The following DNAH3 variants were observed in gnomAD, a reference collection of about 807,000 sequenced individuals.
DNAH3 encodes axonemal beta dynein heavy chain 3.
A neutral mutation model predicts 432.5 loss-of-function variants in DNAH3; 332 were observed. That is an observed-to-expected ratio of 0.77 (90% CI 0.70 to 0.84). The LOEUF (loss-of-function observed/expected upper bound fraction) is 0.84. Among genes scored for constraint, DNAH3 ranks in the 40% least tolerant of loss-of-function variants. The probability of loss-of-function intolerance (pLI) is 0.00; values close to 1 mark genes in which losing one functional copy is unlikely to be tolerated. For missense variants in DNAH3, 4,861 were observed against 5,114.0 expected, an observed-to-expected ratio of 0.95 and a Z score of 1.51; for synonymous variants, 1,956 against 1,900.2, an observed-to-expected ratio of 1.03 and a Z score of -0.76.
chr16:21,032,446 A>T (rs2088933086), intron 36 of DNAH3, among the ~76,000 whole-genome samples: 1 of 152,192 alleles, frequency 6.6e-6, no homozygotes, highest in Admixed American at 6.6e-5. Context: ...ATAACAAAAA[A>T]AAATCACAAT....
exon 53 of DNAH3, chr16:20,963,453 T>G: frequency 6.2e-7 from 1 of 1,614,056 alleles, no homozygotes; most frequent in Non-Finnish European, 8.5e-7. Flanking sequence ...GCCGCAAACA[T>G]CGAAGGATCA....
intron 32 of DNAH3, 128 bp from the exon 33 acceptor site, chr16:21,040,071 G>A (rs1399212672): frequency 3.6e-5 from 28 of 767,724 alleles, no homozygotes; most frequent in South Asian, 1.9e-4. Context: ...AAGGCAAGAA[G>A]GACTGGGGGA....
chr16:20,934,656 T>C (rs1405662163), intron 61 of DNAH3, among the ~76,000 whole-genome samples: 4 of 152,224 alleles, frequency 2.6e-5, no homozygotes, highest in Admixed American at 6.5e-5. Context: ...AGTTGAACCA[T>C]TGCAAGTAAA....
At chr16:21,146,171 C>T (rs2092780581) in intron 1 of DNAH3, 83 bp from the exon 3 acceptor site, 9 of 885,282 alleles carry the variant, frequency 1.0e-5, no homozygotes. Context: ...TAAAGAGGTC[C>T]CCAGGAAAAG....
chr16:20,959,238 A>C (rs957007739), exon 54 of DNAH3: 1 of 1,614,074 alleles, frequency 6.2e-7, no homozygotes, highest in African/African-American at 1.3e-5. Flanking sequence ...TCTCCAGGGT[A>C]GGCATCCAGC....
At position 21,064,860 on chromosome 16, in the gene DNAH3, GGTGTGTGT is replaced by G. The variant is rs369066790; in HGVS notation, c.3519-2185_3519-2178del. ...ATAAAAATGCATAAATATTGAGGTA[GGTGTGTGT>G]GTGTGTGTGTGTGTGTGTGTGTGTG... is the stretch of plus-strand genomic sequence containing the variant. On this transcript the variant is annotated intron_variant, in intron 24 of 61. Coordinates refer to ENST00000261383, the Ensembl canonical transcript of DNAH3. 9.5e-3 allele frequency among the ~76,000 whole-genome samples: 1,248 copies of G among 131,766 alleles called. 15 individuals carry two copies. Among genetic ancestry groups the G allele is most frequent in the African/African-American group, 0.028 (1,024 of 37,056 alleles). 86.4% of individuals were successfully genotyped at this position (131,766 alleles called of 152,430 possible).
At chr16:21,036,609 C>A (rs1208800410) in intron 35 of DNAH3, 105 bp downstream of exon 35, 2 of 1,074,432 alleles carry the variant, frequency 1.9e-6, no homozygotes, top group Non-Finnish European at 2.7e-6. Flanking sequence ...TACACAGGCA[C>A]CTCTGATTGC....
In DNAH3 at chr16:21,131,587, T is replaced by G. The variant is rs555642462; in HGVS notation, c.1082+2672A>C. Among the ~76,000 whole-genome samples, 9 of 152,052 alleles carry G rather than the reference T, an allele frequency of 5.9e-5. No individual in the cohort carries two copies. In the South Asian group the frequency reaches 8.3e-4, roughly 14 times the overall value. On this transcript the variant is annotated intron_variant, in intron 7 of 61. Transcript: ENST00000261383. ...AAGAAAGGCCGGACGTGGTGGCTCTTGCCTGTAATCCCAGCACTTTGGGAG... is the reference window on the plus strand; with the variant it reads ...AAGAAAGGCCGGACGTGGTGGCTCTGGCCTGTAATCCCAGCACTTTGGGAG...
At chr16:20,937,755 A>C (rs2083649954) in intron 59 of DNAH3, among the ~76,000 whole-genome samples, 1 of 151,438 alleles carries the variant, frequency 6.6e-6, no homozygotes, top group African/African-American at 2.4e-5. Context: ...CAAACTCCTA[A>C]ACTCAAGTAA....
intron 32 of DNAH3, among the ~76,000 whole-genome samples, chr16:21,040,327 T>A (rs369429936): frequency 2.1e-5 from 3 of 144,066 alleles, no homozygotes; most frequent in African/African-American, 7.8e-5. Context: ...GCAGAACCAA[T>A]ATGCATCAGA....
chr16:21,108,144 T>C (rs568830536), intron 14 of DNAH3, among the ~76,000 whole-genome samples: 1 of 152,188 alleles, frequency 6.6e-6, no homozygotes, highest in Non-Finnish European at 1.5e-5. Context: ...AGTGCTGGGA[T>C]TACAGGCGTA....
In DNAH3 at chr16:20,943,560, C is replaced by T. The variant is rs1392899270; in HGVS notation, c.11511+936G>A. ...TCTGACCATCTTTCTCTTTTCATTC[C>T]TCTCAAAAAGACAGTTTCGGGTCAG... is the stretch of plus-strand genomic sequence containing the variant. On this transcript the variant is annotated intron_variant, in intron 58 of 61. Transcript: ENST00000261383. Among the ~76,000 whole-genome samples, 3 of 152,086 alleles carry T rather than the reference C, an allele frequency of 2.0e-5. No homozygotes were observed. The East Asian group carries it at 5.8e-4, about 29-fold the overall frequency.
chr16:21,107,999 G>A (rs545787552), intron 14 of DNAH3, among the ~76,000 whole-genome samples: 2 of 151,994 alleles, frequency 1.3e-5, no homozygotes, highest in South Asian at 4.2e-4. Context: ...CTAGTAGCTG[G>A]GATTACAGGC....
intron 41 of DNAH3, among the ~76,000 whole-genome samples, chr16:21,010,888 G>GTTT (rs200472753): frequency 7.2e-6 from 1 of 138,802 alleles, no homozygotes; most frequent in Non-Finnish European, 1.5e-5. Flanking sequence ...GCCAAAACCT[G>GTTT]TTTTTTTTTT....
At position 21,047,148 on chromosome 16, in the gene DNAH3, T is replaced by C. The variant is rs1264377960; in HGVS notation, c.4461+2421A>G. 3.6e-3 allele frequency among the ~76,000 whole-genome samples: 541 copies of C among 149,902 alleles called. 4 individuals are homozygous for C. The highest frequency in any genetic ancestry group is 0.012 in the African/African-American group (469 of 40,696). Reference sequence around the variant, plus strand: ...TCAACTTTGGTGAATCTGACAATTATGTGTCTTGGAGTTGCTCTTCTCGAG... The same window carrying C: ...TCAACTTTGGTGAATCTGACAATTACGTGTCTTGGAGTTGCTCTTCTCGAG... On this transcript the variant is annotated intron_variant, in intron 31 of 61. Transcript: ENST00000261383.
intron 36 of DNAH3, among the ~76,000 whole-genome samples, chr16:21,032,608 T>C (rs922065324): frequency 6.6e-6 from 1 of 151,356 alleles, no homozygotes; most frequent in Non-Finnish European, 1.5e-5. Context: ...AGCTCAGGAG[T>C]TCGAGACCAG....
At chr16:20,992,916 A>T (rs1391754088) in intron 44 of DNAH3, among the ~76,000 whole-genome samples, 1 of 152,068 alleles carries the variant, frequency 6.6e-6, no homozygotes, top group Non-Finnish European at 1.5e-5. Flanking sequence ...CCCAGGCTGG[A>T]GCGTAGTGGT....
chr16:21,084,106 C>T (rs1286855716), intron 19 of DNAH3, among the ~76,000 whole-genome samples: 8 of 152,074 alleles, frequency 5.3e-5, no homozygotes, highest in Non-Finnish European at 1.2e-4. Context: ...CCTTTCCCAC[C>T]ACCAACTAGC....
intron 56 of DNAH3, among the ~76,000 whole-genome samples, chr16:20,950,537 G>C (rs1267095314): frequency 6.6e-6 from 1 of 152,120 alleles, no homozygotes; most frequent in South Asian, 2.1e-4. Flanking sequence ...CTGTAAAATG[G>C]GGTTATTAAC....
Sources: gnomAD v4.1 joint callset for allele counts (sites outside exome capture counted in the v4.1 genomes callset) on GRCh38, gnomAD v4.1.1 for gene constraint, MANE v1.5 for transcripts, NCBI Gene and HGNC (gene_info 2026-07-23, HGNC 2026-07-21) for gene names.